RYR3: variants seen among roughly 807,000 people sequenced by gnomAD.
The protein encoded by RYR3 is brain ryanodine receptor-calcium release channel.
Under a neutral mutation model 584.3 loss-of-function variants are expected in RYR3, and 207 were observed. That is an observed-to-expected ratio of 0.35 (90% confidence interval 0.32 to 0.40). The LOEUF is 0.40. RYR3 is among the 10% of genes least tolerant of loss of function. The pLI is 1.00. For synonymous variants in RYR3, 2,416 were observed against 2,248.5 expected (o/e 1.07, Z -2.11); for missense variants, 5,616 against 6,089.2 (o/e 0.92, Z 2.59).
rs1451632299 is a variant in RYR3, at chr15:33,660,385, C to T, written c.4584C>T (p.Pro1528=). ...RHGWVVQCLE[P]LQMMALHIPE... ...GCTGGGTGGTGCAGTGCCTGGAGCC[C>T]CTGCAGATGATGGCGCTCCACATCC... The change falls in exon 34 of 104, where the codon CCC becomes CCT. Residue 1528 remains proline, a synonymous_variant. Coordinates refer to ENST00000634891, the MANE Select transcript of RYR3 (RefSeq NM_001036.6). 2 of 1,581,818 alleles carry T rather than the reference C, an allele frequency of 1.3e-6. No individual in the cohort carries two copies. The highest frequency in any genetic ancestry group is 1.7e-6 in the Non-Finnish European group (2 of 1,164,236).
At chr15:33,695,326 C>T (rs1026308017) in intron 38 of RYR3, among the ~76,000 whole-genome samples, 4 of 152,188 alleles carry the variant, frequency 2.6e-5, no homozygotes, top group Non-Finnish European at 2.9e-5. Context: ...ATGCCAATGC[C>T]AATCAGCAAT....
intron 1 of RYR3, among the ~76,000 whole-genome samples, chr15:33,422,201 T>A (rs1438502025): frequency 6.6e-6 from 1 of 152,162 alleles, no homozygotes; most frequent in Non-Finnish European, 1.5e-5. Context: ...ATGGTTTTTT[T>A]GTTTTTGTTT....
intron 16 of RYR3, among the ~76,000 whole-genome samples, chr15:33,594,659 G>GA (rs1024218310): frequency 1.3e-5 from 2 of 152,126 alleles, no homozygotes; most frequent in African/African-American, 2.4e-5. Context: ...AAAGTTATCA[G>GA]AAAACCTGCA....
intron 20 of RYR3, among the ~76,000 whole-genome samples, chr15:33,625,926 T>G (rs2060961294): frequency 6.6e-6 from 1 of 152,182 alleles, no homozygotes; most frequent in Non-Finnish European, 1.5e-5. Context: ...TATCATTTGT[T>G]TTTCAAAGTC....
chr15:33,765,474 A>T (rs1446633457), intron 60 of RYR3, among the ~76,000 whole-genome samples: 1 of 151,982 alleles, frequency 6.6e-6, no homozygotes, highest in African/African-American at 2.4e-5. Flanking sequence ...CTCTACTAAA[A>T]ATACAAAAGT....
At chr15:33,477,575 TAAAAAA>T (rs3084422) in intron 2 of RYR3, among the ~76,000 whole-genome samples, 3 of 116,432 alleles carry the variant, frequency 2.6e-5, no homozygotes, top group South Asian at 5.5e-4. Flanking sequence ...CTTGTTTTGT[TAAAAAA>T]AAAAAAAAAA....
chr15:33,589,466 A>G (rs1020797896), intron 16 of RYR3, among the ~76,000 whole-genome samples: 2 of 152,150 alleles, frequency 1.3e-5, no homozygotes, highest in Admixed American at 1.3e-4. Flanking sequence ...AATTTAATTA[A>G]GTCCCATTTA....
chr15:33,395,277 A>T (rs1196647147), intron 1 of RYR3, among the ~76,000 whole-genome samples: 1 of 152,250 alleles, frequency 6.6e-6, no homozygotes, highest in African/African-American at 2.4e-5. Flanking sequence ...CTTTTCCTTC[A>T]GCAGTAGCCT....
intron 98 of RYR3, chr15:33,855,967 T>A (rs2079615238): frequency 6.6e-6 from 1 of 152,160 alleles, no homozygotes; most frequent in African/African-American, 2.4e-5. Flanking sequence ...CAAACCTTTG[T>A]ACGGGAGAGG....
At chr15:33,747,051 T>C (rs1048192004) in intron 53 of RYR3, among the ~76,000 whole-genome samples, 26 of 151,946 alleles carry the variant, frequency 1.7e-4, no homozygotes, top group African/African-American at 6.3e-4. Context: ...CCTCAAGCAA[T>C]CCTCCCACCT....
intron 1 of RYR3, among the ~76,000 whole-genome samples, chr15:33,447,112 G>A (rs115843784): frequency 2.5e-3 from 384 of 152,332 alleles, no homozygotes; most frequent in Middle Eastern, 6.8e-3. Flanking sequence ...TTAGCCTGGC[G>A]TAGTATAAGT....
intron 67 of RYR3, among the ~76,000 whole-genome samples, chr15:33,796,184 G>C (rs1044725264): frequency 6.6e-6 from 1 of 152,124 alleles, no homozygotes; most frequent in Non-Finnish European, 1.5e-5. Flanking sequence ...GCCCAGGCTG[G>C]AGTGCAGTGG....
intron 16 of RYR3, among the ~76,000 whole-genome samples, chr15:33,586,970 A>G (rs922287984): frequency 2.0e-5 from 3 of 152,076 alleles, no homozygotes; most frequent in African/African-American, 7.2e-5. Context: ...GTGCTTCTAC[A>G]GAGTGGGGAG....
At chr15:33,597,628 A>AAAG (rs2059440851) in intron 16 of RYR3, among the ~76,000 whole-genome samples, 1 of 151,960 alleles carries the variant, frequency 6.6e-6, no homozygotes, top group South Asian at 2.1e-4. Flanking sequence ...CAAAAAAAAA[A>AAAG]AAAAGATTTT....
At chr15:33,312,383 G>C (rs1455768944) in intron 1 of RYR3, among the ~76,000 whole-genome samples, 1 of 152,038 alleles carries the variant, frequency 6.6e-6, no homozygotes, top group South Asian at 2.1e-4. Context: ...TATTTGGGGG[G>C]GGTATGGAAG....
At chr15:33,645,318 G>C (rs772667970) in intron 28 of RYR3, among the ~76,000 whole-genome samples, 1 of 152,126 alleles carries the variant, frequency 6.6e-6, no homozygotes, top group Admixed American at 6.5e-5. Flanking sequence ...TGGTGGATAG[G>C]GGGAGAGTGT....
chr15:33,373,487 G>C (rs1311937171), intron 1 of RYR3, among the ~76,000 whole-genome samples: 1 of 152,196 alleles, frequency 6.6e-6, no homozygotes, highest in Non-Finnish European at 1.5e-5. Flanking sequence ...GGCACAGTAG[G>C]TGATCAACCT....
intron 49 of RYR3, among the ~76,000 whole-genome samples, chr15:33,736,825 T>G (rs771354220): frequency 2.0e-5 from 3 of 152,126 alleles, no homozygotes; most frequent in Non-Finnish European, 2.9e-5. Flanking sequence ...CTCAGCTCAC[T>G]GCAACCTCTA....
chr15:33,649,647 T>A (rs746769241), intron 31 of RYR3, among the ~76,000 whole-genome samples: 10 of 152,190 alleles, frequency 6.6e-5, no homozygotes, highest in Non-Finnish European at 1.2e-4. Flanking sequence ...TACTCAGAAC[T>A]CCTCCTCCCA....
Sources: gnomAD v4.1 joint callset for allele counts (sites outside exome capture counted in the v4.1 genomes callset) on GRCh38, gnomAD v4.1.1 for gene constraint, MANE v1.5 for transcripts, NCBI Gene and HGNC (gene_info 2026-07-23, HGNC 2026-07-21) for gene names.